BLOC1S5: variants seen among roughly 807,000 people sequenced by gnomAD.
BLOC1S5 encodes biogenesis of lysosome-related organelles complex 1 subunit 5.
BLOC1S5 carries 27 observed loss-of-function variants against 24.3 expected under a neutral mutation model. The ratio of observed to expected loss-of-function variants is 1.11; its 90% CI spans 0.82 to 1.53. BLOC1S5 has a LOEUF of 1.53. Among genes scored for constraint, BLOC1S5 ranks in the 40% most tolerant of loss-of-function variants. BLOC1S5 has a pLI of 0.00. For synonymous variants in BLOC1S5, 84 were observed against 74.5 expected, an observed-to-expected ratio of 1.13 and a Z score of -0.66; for missense variants, 239 against 229.4, an observed-to-expected ratio of 1.04 and a Z score of -0.27.
chr6:8,054,180 T>C (rs2743993), intron 2 of BLOC1S5: 262,777 of 397,480 alleles, frequency 0.66, 88,498 homozygotes, highest in East Asian at 0.93. Flanking sequence ...CCCTCCTTTT[T>C]GGGATCCAAT....
At position 8,038,280 on chromosome 6, in the gene BLOC1S5, A is replaced by G. The variant is rs539605829; in HGVS notation, c.325+2859T>C. On this transcript the variant is annotated intron_variant, in intron 3 of 4. Coordinates refer to ENST00000397457, the MANE Select transcript of BLOC1S5 (RefSeq NM_201280.3). ...GACAACAGATTAATAACCAGAATAT[A>G]TAAGGAGCTCAAACAACAATATAGC... Among the ~76,000 whole-genome samples, 172 of 152,306 alleles carry G rather than the reference A, an allele frequency of 1.1e-3. 3 individuals carry two copies. Among genetic ancestry groups the G allele is most frequent in the Non-Finnish European group, 3.5e-4 (24 of 68,008 alleles).
intron 2 of BLOC1S5, among the ~76,000 whole-genome samples, chr6:8,055,753 C>T (rs887294245): frequency 1.3e-5 from 2 of 152,168 alleles, no homozygotes; most frequent in Admixed American, 1.3e-4. Flanking sequence ...CCCCTGACTG[C>T]TTCAGCACCA....
intron 3 of BLOC1S5, among the ~76,000 whole-genome samples, chr6:8,032,798 T>G (rs6931500): frequency 6.6e-6 from 1 of 152,076 alleles, no homozygotes; most frequent in Non-Finnish European, 1.5e-5. Flanking sequence ...ACAAAATCAA[T>G]GTACAAAAAT....
chr6:8,026,956 C>T (rs538243416), intron 3 of BLOC1S5, among the ~76,000 whole-genome samples: 1 of 152,188 alleles, frequency 6.6e-6, no homozygotes, highest in Non-Finnish European at 1.5e-5. Flanking sequence ...GAAATGATCA[C>T]TATTCCATTT....
chr6:8,028,605 T>C (rs1763186876), intron 3 of BLOC1S5, among the ~76,000 whole-genome samples: 1 of 152,234 alleles, frequency 6.6e-6, no homozygotes, highest in Non-Finnish European at 1.5e-5. Context: ...TCATCTGTTA[T>C]GTCCTTTAAA....
chr6:8,045,646 C>T (rs1763857274), intron 2 of BLOC1S5, among the ~76,000 whole-genome samples: 1 of 152,230 alleles, frequency 6.6e-6, no homozygotes, highest in Non-Finnish European at 1.5e-5. Context: ...GAATCCACCT[C>T]TCGCATCAGT....
At chr6:8,040,838 A>C (rs980509701) in intron 3 of BLOC1S5, among the ~76,000 whole-genome samples, 7 of 151,920 alleles carry the variant, frequency 4.6e-5, no homozygotes, top group Non-Finnish European at 1.0e-4. Context: ...CCTGGGACAC[A>C]GAGTGAGACT....
At chr6:8,043,545 G>T (rs1763765926) in intron 2 of BLOC1S5, among the ~76,000 whole-genome samples, 2 of 152,136 alleles carry the variant, frequency 1.3e-5, no homozygotes, top group Non-Finnish European at 2.9e-5. Context: ...AGGAAAGGCG[G>T]AGGAACTGTC....
chr6:8,017,008 G>A (rs1401321440), intron 4 of BLOC1S5, among the ~76,000 whole-genome samples: 2 of 151,908 alleles, frequency 1.3e-5, no homozygotes, highest in African/African-American at 2.4e-5. Flanking sequence ...AAGGATGAAA[G>A]GTTTTTTCTT....
intron 1 of BLOC1S5, among the ~76,000 whole-genome samples, chr6:8,062,961 A>C (rs1349793798): frequency 6.6e-6 from 1 of 152,146 alleles, no homozygotes; most frequent in Non-Finnish European, 1.5e-5. Flanking sequence ...CCTTAACCAT[A>C]CTCATACAAT....
intron 3 of BLOC1S5, among the ~76,000 whole-genome samples, chr6:8,030,132 A>T (rs574882683): frequency 6.6e-6 from 1 of 152,170 alleles, no homozygotes; most frequent in Non-Finnish European, 1.5e-5. Context: ...CACAGAAAAA[A>T]AATTCAGAAA....
At position 8,015,508 on chromosome 6, in the gene BLOC1S5, G is replaced by C; in HGVS notation, c.*141C>G. On this transcript the variant is annotated 3_prime_UTR_variant, in exon 5 of 5. Transcript: ENST00000397457. ...TAAATATCCAATCAGAATGCCAGTA[G>C]AAACTTCTTTCTTCTGATATAAGAG... The C allele has an allele frequency of 1.2e-6, 1 of 826,338 alleles. No individual in the cohort carries two copies. 51.2% of individuals were successfully genotyped at this position (826,338 alleles called of 1,614,324 possible). A position where few individuals can be genotyped will look rare whatever the true frequency, so the allele number is the denominator to read the frequency against.
chr6:8,026,303 T>C, intron 4 of BLOC1S5, 64 bp downstream of exon 4: 1 of 1,318,800 alleles, frequency 7.6e-7, no homozygotes, highest in Non-Finnish European at 1.1e-6. Flanking sequence ...TCAAAAGCAA[T>C]TGCTAATAAT....
intron 2 of BLOC1S5, among the ~76,000 whole-genome samples, chr6:8,061,873 G>C (rs1052226110): frequency 1.3e-5 from 2 of 152,252 alleles, no homozygotes; most frequent in African/African-American, 2.4e-5. Context: ...ATGTAAGGTA[G>C]AGTAGCAGGT....
intron 3 of BLOC1S5, among the ~76,000 whole-genome samples, chr6:8,040,648 G>A (rs756379134): frequency 1.3e-5 from 2 of 152,112 alleles, no homozygotes; most frequent in African/African-American, 4.8e-5. Context: ...CACGAGTCAA[G>A]AGATCAAGAC....
chr6:8,059,624 T>C (rs1764447432), intron 2 of BLOC1S5, among the ~76,000 whole-genome samples: 1 of 152,218 alleles, frequency 6.6e-6, no homozygotes, highest in South Asian at 2.1e-4. Context: ...TGCAGATGTA[T>C]ATTCAAACCT....
At chr6:8,041,536 T>C (rs565134081) in intron 2 of BLOC1S5, among the ~76,000 whole-genome samples, 34 of 152,086 alleles carry the variant, frequency 2.2e-4, no homozygotes, top group Non-Finnish European at 3.1e-4. Context: ...ATGGTCTCGA[T>C]CTCCTGACCT....
intron 1 of BLOC1S5, among the ~76,000 whole-genome samples, chr6:8,063,417 T>C (rs1016262753): frequency 1.3e-5 from 2 of 152,222 alleles, no homozygotes; most frequent in Non-Finnish European, 2.9e-5. Flanking sequence ...TAGTTTAAAA[T>C]GTAAGTCTCA....
At chr6:8,036,508 T>C (rs1483917018) in intron 3 of BLOC1S5, among the ~76,000 whole-genome samples, 1 of 152,028 alleles carries the variant, frequency 6.6e-6, no homozygotes, top group African/African-American at 2.4e-5. Context: ...TAATAATGAA[T>C]AACAAGGTTG....
Sources: allele counts gnomAD v4.1 joint callset (sites outside exome capture counted in the v4.1 genomes callset), GRCh38; gene constraint gnomAD v4.1.1; transcripts MANE v1.5; gene names NCBI Gene and HGNC (gene_info 2026-07-23, HGNC 2026-07-21).